Variants in ANKRD36C observed in about 807,000 individuals in gnomAD.
ANKRD36C encodes the protein ankyrin repeat domain 36C.
ANKRD36C carries 61 observed loss-of-function variants against 276.4 expected under a neutral mutation model. The observed-to-expected ratio is 0.22, with a 90% CI of 0.18 to 0.27. The LOEUF (loss-of-function observed/expected upper bound fraction) is 0.27, where lower values mean the gene tolerates loss of function less well. ANKRD36C is among the 10% of genes least tolerant of loss of function. The pLI is 1.00. For missense variants in ANKRD36C, 1,447 were observed against 2,032.3 expected, an observed-to-expected ratio of 0.71 and a Z score of 5.54; for synonymous variants, 483 against 680.1, an observed-to-expected ratio of 0.71 and a Z score of 4.51.
chr2:95,863,976 G>T (rs1489429548), intron 60 of ANKRD36C, among the ~76,000 whole-genome samples: 7 of 151,976 alleles, frequency 4.6e-5, no homozygotes, highest in Non-Finnish European at 7.4e-5. Flanking sequence ...TGGGCTTGGG[G>T]TGATTGTGAT....
chr2:95,911,431 G>C (rs1676920779), intron 42 of ANKRD36C, among the ~76,000 whole-genome samples: 1 of 151,450 alleles, frequency 6.6e-6, no homozygotes, highest in South Asian at 2.1e-4. Flanking sequence ...CTTGTTAGGA[G>C]TATCATGTTA....
chr2:95,936,588 G>A (rs1471626809), intron 22 of ANKRD36C, among the ~76,000 whole-genome samples: 7 of 152,132 alleles, frequency 4.6e-5, no homozygotes, highest in African/African-American at 7.2e-5. Flanking sequence ...GTTCGAGTGC[G>A]AATATACCAG....
chr2:95,889,751 C>T lies in ANKRD36C; in HGVS notation c.2959+48G>A, dbSNP rs1304416420. The stretch of plus-strand genomic sequence containing the variant: ...CTGCTTTATTTGGTGAAGAGAAGAT[C>T]TCTTCTATCTTGAACGAACATCCTA... On this transcript the variant is annotated intron_variant, in intron 48 of 66. Coordinates refer to ENST00000456556, the Ensembl canonical transcript of ANKRD36C. The T allele has an allele frequency of 5.2e-6, 8 of 1,541,120 alleles. No individual in the cohort carries two copies. The African/African-American group carries it at 1.1e-4, about 21-fold the overall frequency.
intron 3 of ANKRD36C, among the ~76,000 whole-genome samples, chr2:95,983,578 T>C (rs542696692): frequency 1.5e-4 from 22 of 151,168 alleles, no homozygotes; most frequent in African/African-American, 4.8e-4. Flanking sequence ...ACTAAATTAT[T>C]TGCATCATTT....
chr2:95,879,043 T>C (rs1676016404), intron 58 of ANKRD36C, among the ~76,000 whole-genome samples: 1 of 152,222 alleles, frequency 6.6e-6, no homozygotes, highest in Non-Finnish European at 1.5e-5. Context: ...ACAATAGCCA[T>C]AATTTGGAAT....
At chr2:95,960,086 G>A (rs1037456549) in intron 10 of ANKRD36C, among the ~76,000 whole-genome samples, 3 of 151,886 alleles carry the variant, frequency 2.0e-5, no homozygotes, top group Non-Finnish European at 2.9e-5. Context: ...GGCTTATTAC[G>A]ATCACTTCTT....
exon 3 of ANKRD36C, chr2:95,986,755 C>A: frequency 6.2e-7 from 1 of 1,611,278 alleles, no homozygotes; most frequent in Non-Finnish European, 8.5e-7. Flanking sequence ...CTATACCTCG[C>A]TGCATTCTTC....
chr2:95,958,242 C>T (rs993957551), intron 12 of ANKRD36C, among the ~76,000 whole-genome samples: 4 of 151,872 alleles, frequency 2.6e-5, no homozygotes, highest in East Asian at 1.9e-4. Context: ...TGTGATCAGG[C>T]GCCTACAATT....
At chr2:95,986,496 C>A (rs901202500) in intron 3 of ANKRD36C, 34 of 430,850 alleles carry the variant, frequency 7.9e-5, no homozygotes, top group Non-Finnish European at 1.1e-4. Flanking sequence ...ATTCAGTTGT[C>A]ATGAATTCCA....
chr2:95,891,915 C>G, intron 44 of ANKRD36C, 55 bp from the exon 65 acceptor site: 2 of 1,547,436 alleles, frequency 1.3e-6, no homozygotes, highest in Non-Finnish European at 1.7e-6. Context: ...CAAAATTATC[C>G]ACACATTCAT....
intron 36 of ANKRD36C, among the ~76,000 whole-genome samples, chr2:95,916,616 A>G (rs1677104113): frequency 6.6e-6 from 1 of 151,608 alleles, no homozygotes; most frequent in Non-Finnish European, 1.5e-5. Context: ...TTGCCCAATA[A>G]CTGAGAAGGC....
At chr2:95,919,072 A>G (rs1233729741) in intron 34 of ANKRD36C, among the ~76,000 whole-genome samples, 1 of 136,344 alleles carries the variant, frequency 7.3e-6, no homozygotes, top group Non-Finnish European at 1.7e-5. Context: ...AAAAAGGAGT[A>G]ATGAGTCAGT....
chr2:95,865,547 A>G (rs922074031), intron 60 of ANKRD36C, among the ~76,000 whole-genome samples: 9 of 152,092 alleles, frequency 5.9e-5, no homozygotes, highest in African/African-American at 1.7e-4. Flanking sequence ...ATTTTGGAAT[A>G]TTTGCATATA....
intron 42 of ANKRD36C, among the ~76,000 whole-genome samples, chr2:95,909,959 T>C (rs1676861512): frequency 1.3e-5 from 2 of 151,170 alleles, no homozygotes; most frequent in South Asian, 4.2e-4. Flanking sequence ...GGGGCCTCCT[T>C]AGTTCTCCTA....
At chr2:95,909,009 G>A (rs1348085783) in intron 42 of ANKRD36C, among the ~76,000 whole-genome samples, 1 of 151,022 alleles carries the variant, frequency 6.6e-6, no homozygotes, top group Non-Finnish European at 1.5e-5. Context: ...AAAATCAGAG[G>A]AGCAACACAT....
At position 95,866,787 on chromosome 2, in the gene ANKRD36C, C is replaced by G. The variant is rs529315806; in HGVS notation, c.3682+653G>C. 8.2e-3 allele frequency among the ~76,000 whole-genome samples: 1,243 copies of G among 152,166 alleles called. 10 individuals are homozygous for G. Among genetic ancestry groups the G allele is most frequent in the African/African-American group, 0.028 (1,182 of 41,520 alleles). Reference sequence around the variant, plus strand: ...TGGGTGATGGATATATGTTGACTATCTCGATGATGGTAATAGTTTCACATG... The same window carrying G: ...TGGGTGATGGATATATGTTGACTATGTCGATGATGGTAATAGTTTCACATG... On this transcript the variant is annotated intron_variant, in intron 60 of 66. Transcript: ENST00000456556.
At chr2:95,919,099 C>T (rs1299033866) in intron 34 of ANKRD36C, among the ~76,000 whole-genome samples, 2 of 136,888 alleles carry the variant, frequency 1.5e-5, no homozygotes, top group Non-Finnish European at 3.3e-5. Flanking sequence ...TATCCCAATT[C>T]TAGCATTGTT....
chr2:95,880,965 A>G (rs1276864452), intron 56 of ANKRD36C, among the ~76,000 whole-genome samples: 1 of 152,210 alleles, frequency 6.6e-6, no homozygotes, highest in Non-Finnish European at 1.5e-5. Context: ...ATAAGTGTAA[A>G]AGCTGGTGCT....
chr2:95,927,070 A>C, intron 28 of ANKRD36C, 144 bp downstream of exon 28: 3 of 1,190,880 alleles, frequency 2.5e-6, no homozygotes, highest in Non-Finnish European at 3.6e-6. Flanking sequence ...CAGCAGCATC[A>C]GTGTCACCTG....
Sources: allele counts gnomAD v4.1 joint callset (sites outside exome capture counted in the v4.1 genomes callset), GRCh38; gene constraint gnomAD v4.1.1; transcripts MANE v1.5; gene names NCBI Gene and HGNC (gene_info 2026-07-23, HGNC 2026-07-21).